The following KCNN1 variants were observed in gnomAD, a reference collection of about 807,000 sequenced individuals.
The protein encoded by KCNN1 is potassium calcium-activated channel subfamily N member 1.
In KCNN1, 20 loss-of-function variants were observed where a neutral mutation model predicts 44.7. The observed-to-expected ratio is 0.45, with a 90% confidence interval of 0.32 to 0.65. KCNN1 has a LOEUF of 0.65. KCNN1 is among the 30% of genes least tolerant of loss of function. The pLI is 0.05. For missense variants in KCNN1, 632 were observed against 785.3 expected (o/e 0.80, Z 2.33); for synonymous variants, 324 against 341.7 (o/e 0.95, Z 0.57).
intron 1 of KCNN1, 32 bp from the exon 2 acceptor site, chr19:17,973,776 T>C (rs962124010): frequency 6.8e-7 from 1 of 1,473,500 alleles, no homozygotes; most frequent in Admixed American, 2.5e-5. Flanking sequence ...AGCTGGACCC[T>C]GCTGTGACCA....
At chr19:17,970,854 A>G (rs1308053157) in intron 1 of KCNN1, among the ~76,000 whole-genome samples, 1 of 151,438 alleles carries the variant, frequency 6.6e-6, no homozygotes, top group Non-Finnish European at 1.5e-5. Flanking sequence ...CGGCAGCCAA[A>G]GTCACCCATG....
At chr19:17,986,396 G>A (rs1272159720) in intron 5 of KCNN1, among the ~76,000 whole-genome samples, 1 of 151,614 alleles carries the variant, frequency 6.6e-6, no homozygotes, top group Non-Finnish European at 1.5e-5. Context: ...AACCTGCTGG[G>A]CTGTGTCCTC....
Position 17,975,098 on chromosome 19 carries a change from C to G in KCNN1, c.409C>G (p.Leu137Val), listed in dbSNP as rs746409912. ...LSWGVYTKES[L>V]YSFALKCLIS... Reference sequence around the variant, plus strand: ...TGTCCTCTCTCTTTACCAGGAGTCTCTGTACTCATTCGCACTCAAATGCCT... The same window carrying G: ...TGTCCTCTCTCTTTACCAGGAGTCTGTGTACTCATTCGCACTCAAATGCCT... The change falls in exon 3 of 10, where the codon CTG becomes GTG. Residue 137 changes from leucine (L) to valine (V), a missense_variant. Coordinates refer to ENST00000684775, the MANE Select transcript of KCNN1 (RefSeq NM_001386974.1). 1.2e-6 allele frequency: 2 copies of G among 1,613,510 alleles called. No homozygotes were observed. Among genetic ancestry groups the G allele is most frequent in the Admixed American group, 3.3e-5 (2 of 60,018 alleles).
chr19:17,987,082 C>T (rs1435481773), intron 5 of KCNN1, among the ~76,000 whole-genome samples: 1 of 151,620 alleles, frequency 6.6e-6, no homozygotes, highest in African/African-American at 2.4e-5. Flanking sequence ...GCTGGGATTA[C>T]AGGCATGACG....
intron 2 of KCNN1, among the ~76,000 whole-genome samples, chr19:17,955,214 C>T (rs1409846922): frequency 1.3e-5 from 2 of 150,836 alleles, no homozygotes; most frequent in African/African-American, 2.4e-5. Context: ...ATGGCCACTG[C>T]ACTCCAGCCT....
chr19:17,957,364 G>C (rs1000300999), intron 2 of KCNN1, among the ~76,000 whole-genome samples: 6 of 149,414 alleles, frequency 4.0e-5, no homozygotes, highest in Admixed American at 1.3e-4. Context: ...GAAGAAAGAG[G>C]AAGGGAGGGA....
intron 5 of KCNN1, 104 bp from the exon 6 acceptor site, chr19:17,988,311 C>A: frequency 1.2e-6 from 1 of 869,468 alleles, no homozygotes; most frequent in South Asian, 1.5e-5. Flanking sequence ...TCCACTCACA[C>A]TGCTGGCTCA....
rs2033116088 is a variant in KCNN1, at chr19:17,999,555, G to A, written c.*1149G>A. The A allele has an allele frequency of 6.2e-6, 1 of 160,242 alleles. No individual in the cohort carries two copies. The highest frequency in any genetic ancestry group is 2.4e-5 in the African/African-American group (1 of 41,730). The allele number at this position is 160,242 out of a possible 1,614,324, so 9.9% of individuals were successfully genotyped here. A position where few individuals can be genotyped will look rare whatever the true frequency, so the allele number is the denominator to read the frequency against. ...CCATGGAGGAGCCATGGGGACGTCA[G>A]GAGGAGGGGTTATTTGGTGACATCC... On this transcript the variant is annotated 3_prime_UTR_variant, in exon 10 of 10. Coordinates refer to ENST00000684775, the MANE Select transcript of KCNN1 (RefSeq NM_001386974.1).
chr19:17,992,232 AGAATC>A (rs2032819586), intron 7 of KCNN1, among the ~76,000 whole-genome samples: 1 of 151,982 alleles, frequency 6.6e-6, no homozygotes, highest in Non-Finnish European at 1.5e-5. Context: ...CTGAGGCAGG[AGAATC>A]ACGTGAACCT....
At chr19:17,968,244 C>A (rs928787115) in intron 1 of KCNN1, among the ~76,000 whole-genome samples, 3 of 151,984 alleles carry the variant, frequency 2.0e-5, no homozygotes, top group Admixed American at 6.6e-5. Context: ...ACCCGGAAGC[C>A]CCTGGGTGTG....
Position 17,988,433 on chromosome 19 carries a change from C to T in KCNN1, c.1078C>T (p.Leu360Phe), listed in dbSNP as rs895252839. The change falls in exon 6 of 10, where the codon CTC becomes TTC. Residue 360 changes from leucine to phenylalanine, a missense_variant. Physicochemically the swap from Leu to Phe is conservative, Grantham distance 22. Around this residue, in one of 3 missense-constraint regions of KCNN1, gnomAD observed 160 missense variants for 308.3 expected, o/e 0.52. Transcript: ENST00000684775. ...TGIMGAGCTA[L>F]VVAVVARKLE... ...CACACAGGGAGCTGGCTGTACCGCG[C>T]TCGTGGTGGCTGTGGTGGCTCGGAA... is the stretch of plus-strand genomic sequence containing the variant. 19 of 1,612,830 alleles carry T rather than the reference C, an allele frequency of 1.2e-5. No individual in the cohort carries two copies. Among genetic ancestry groups the T allele is most frequent in the Non-Finnish European group, 1.6e-5 (19 of 1,179,656 alleles).
At chr19:17,961,103 G>A (rs565394289) in intron 2 of KCNN1, among the ~76,000 whole-genome samples, 1 of 149,838 alleles carries the variant, frequency 6.7e-6, no homozygotes, top group Admixed American at 6.7e-5. Context: ...GGAGAATTGC[G>A]TGAACCCAGG....
chr19:17,973,216 G>A (rs776618195), intron 1 of KCNN1, among the ~76,000 whole-genome samples: 11 of 152,194 alleles, frequency 7.2e-5, no homozygotes, highest in Non-Finnish European at 1.5e-4. Context: ...TGATCCTCCA[G>A]TCTCAGCCTC....
upstream of KCNN1, among the ~76,000 whole-genome samples, chr19:17,965,166 G>T (rs111393232): frequency 0.037 from 5,581 of 151,914 alleles, 352 homozygotes; most frequent in African/African-American, 0.13. Context: ...ATTGGAAGGC[G>T]GAGGCATGAG....
intron 3 of KCNN1, among the ~76,000 whole-genome samples, chr19:17,976,064 C>A (rs948810992): frequency 3.9e-5 from 6 of 152,162 alleles, no homozygotes; most frequent in Admixed American, 6.6e-5. Flanking sequence ...ACCTGTGATC[C>A]CAGCACTTTG....
At chr19:17,994,519 G>T (rs2032914361) in intron 9 of KCNN1, among the ~76,000 whole-genome samples, 1 of 150,980 alleles carries the variant, frequency 6.6e-6, no homozygotes, top group Non-Finnish European at 1.5e-5. Context: ...CGAATATCAA[G>T]TCATCTCCCA....
rs2031842730 is a variant in KCNN1, at chr19:17,967,198, C to G, written c.-201C>G. ...GGCCCCGCCGCCCCCGGGCCCCGCGCCCGCTCGCTGCTGCCCGCCCCGTCC... is the reference window on the plus strand; with the variant it reads ...GGCCCCGCCGCCCCCGGGCCCCGCGGCCGCTCGCTGCTGCCCGCCCCGTCC... On this transcript the variant is annotated 5_prime_UTR_variant, in exon 1 of 10. Coordinates refer to ENST00000684775, the MANE Select transcript of KCNN1 (RefSeq NM_001386974.1). 1.0e-6 allele frequency: 1 copy of G among 963,818 alleles called. No homozygotes were observed. The highest frequency in any genetic ancestry group is 1.2e-6 in the Non-Finnish European group (1 of 812,038). The allele number at this position is 963,818 out of a possible 1,614,324, so 59.7% of individuals were successfully genotyped here.
intron 1 of KCNN1, among the ~76,000 whole-genome samples, chr19:17,954,156 T>A (rs1206965308): frequency 2.0e-5 from 3 of 152,166 alleles, no homozygotes; most frequent in Non-Finnish European, 4.4e-5. Flanking sequence ...GCTTAGGAGA[T>A]GACCCAGCTC....
intron 3 of KCNN1, among the ~76,000 whole-genome samples, chr19:17,976,219 A>C (rs999329594): frequency 2.6e-5 from 4 of 151,874 alleles, no homozygotes; most frequent in Non-Finnish European, 5.9e-5. Context: ...AGGCGGGAGA[A>C]TCACTTGAAC....
Sources: gnomAD v4.1 joint callset for allele counts (sites outside exome capture counted in the v4.1 genomes callset) on GRCh38, gnomAD v4.1.1 for gene constraint, gnomAD v4.1.1 regional missense constraint, MANE v1.5 for transcripts, NCBI Gene and HGNC (gene_info 2026-07-23, HGNC 2026-07-21) for gene names.